Variants in DNAI1 observed in about 807,000 individuals in gnomAD.
DNAI1 encodes dynein, axonemal, intermediate polypeptide 1.
Under a neutral mutation model 92.0 loss-of-function variants are expected in DNAI1, and 67 were observed. The observed-to-expected ratio is 0.73, with a 90% confidence interval of 0.60 to 0.89. The LOEUF is 0.89. Ranked by LOEUF, DNAI1 falls within the 40% of genes least tolerant of loss-of-function variation. The probability of loss-of-function intolerance (pLI) is 0.00; values close to 1 mark genes in which losing one functional copy is unlikely to be tolerated. For missense variants in DNAI1, 839 were observed against 866.6 expected (o/e 0.97, Z 0.40); for synonymous variants, 323 against 319.6 (o/e 1.01, Z -0.11).
chr9:34,501,164 C>A lies in DNAI1; in HGVS notation c.1046C>A (p.Ala349Glu), dbSNP rs745862355. 8.7e-6 allele frequency: 14 copies of A among 1,613,500 alleles called. No homozygotes were observed. The South Asian group carries it at 1.5e-4, about 18-fold the overall frequency. ...AATCCAAAGTACAGGGATCTGTTTGCAGTGGGATATGGCTCTTGTAAGTGA... is the reference window on the plus strand; with the variant it reads ...AATCCAAAGTACAGGGATCTGTTTGAAGTGGGATATGGCTCTTGTAAGTGA... The part of the protein sequence containing the change: ...CWNPKYRDLF[A>E]VGYGSYDFMK... Residue 349 changes from alanine (A) to glutamate (E), a missense_variant, in exon 12 of 20, where the codon GCA becomes GAA. Ala to Glu is a moderately radical substitution (Grantham distance 107). Coordinates refer to ENST00000242317, the MANE Select transcript of DNAI1 (RefSeq NM_012144.4).
chr9:34,501,352 A>C (rs1824827829), intron 12 of DNAI1, among the ~76,000 whole-genome samples, 171 bp downstream of exon 12: 1 of 152,268 alleles, frequency 6.6e-6, no homozygotes, highest in African/African-American at 2.4e-5. Flanking sequence ...TGCTGGGTGA[A>C]GGAATATTCT....
intron 9 of DNAI1, among the ~76,000 whole-genome samples, chr9:34,494,553 C>G (rs1464596881): frequency 1.3e-5 from 2 of 152,184 alleles, no homozygotes; most frequent in East Asian, 3.8e-4. Context: ...GTTATAAGCT[C>G]TGTACTGGGA....
In DNAI1 at chr9:34,485,480, C is replaced by T. The variant is rs994065901; in HGVS notation, c.224C>T (p.Pro75Leu). The change falls in exon 4 of 20, where the codon CCA becomes CTA. Residue 75 changes from proline (P) to leucine (L), a missense_variant. Pro to Leu is a moderately conservative substitution (Grantham distance 98). Coordinates refer to ENST00000242317, the MANE Select transcript of DNAI1 (RefSeq NM_012144.4). Reference sequence around the variant, plus strand: ...ACTCGGATTTTGACAGCCAACAACCCACACGCACCCCAGAACATTGTCAGG... The same window carrying T: ...ACTCGGATTTTGACAGCCAACAACCTACACGCACCCCAGAACATTGTCAGG... Reference protein sequence around the residue: ...EFTRILTANNPHAPQNIVRYS... With the variant: ...EFTRILTANNLHAPQNIVRYS... 2 of 1,614,004 alleles carry T rather than the reference C, an allele frequency of 1.2e-6. No homozygotes were observed. Among genetic ancestry groups the T allele is most frequent in the African/African-American group, 2.7e-5 (2 of 74,890 alleles).
At chr9:34,484,958 C>A in intron 2 of DNAI1, 184 bp from the exon 3 acceptor site, 1 of 607,072 alleles carries the variant, frequency 1.6e-6, no homozygotes, top group Non-Finnish European at 3.0e-6. Flanking sequence ...ATCTTCCAGG[C>A]AATGAGAACT....
At chr9:34,468,379 C>T (rs553823478) in intron 1 of DNAI1, among the ~76,000 whole-genome samples, 49 of 149,604 alleles carry the variant, frequency 3.3e-4, no homozygotes, top group African/African-American at 1.0e-3. Flanking sequence ...TTAGTAGAGA[C>T]GGGGTTTCAC....
chr9:34,506,583 G>T lies in DNAI1; in HGVS notation c.1064-44G>T, dbSNP rs202169255. ...GGGTGAGGGGGCTTCTCCAGGCAGGGCAGTTGGATCCTCCAACCTCAGCCG... is the reference window on the plus strand; with the variant it reads ...GGGTGAGGGGGCTTCTCCAGGCAGGTCAGTTGGATCCTCCAACCTCAGCCG... On this transcript the variant is annotated intron_variant, in intron 12 of 19. Transcript: ENST00000242317. 1,656 of 1,613,378 alleles carry T rather than the reference G, an allele frequency of 1.0e-3. 1 individual carries two copies. Among genetic ancestry groups the T allele is most frequent in the Non-Finnish European group, 1.3e-3 (1,563 of 1,179,850 alleles).
chr9:34,514,128 T>C (rs1317863393), intron 16 of DNAI1, among the ~76,000 whole-genome samples: 3 of 152,124 alleles, frequency 2.0e-5, no homozygotes, highest in African/African-American at 7.2e-5. Context: ...TGGCCTGGAA[T>C]CCTCTGGGGT....
intron 13 of DNAI1, among the ~76,000 whole-genome samples, chr9:34,507,140 C>A (rs370772039): frequency 1.3e-5 from 2 of 152,104 alleles, no homozygotes; most frequent in East Asian, 3.9e-4. Context: ...TTAGATGTGG[C>A]GATCAGTAAC....
chr9:34,467,231 A>C (rs1824054928), intron 1 of DNAI1, among the ~76,000 whole-genome samples: 1 of 152,190 alleles, frequency 6.6e-6, no homozygotes, highest in South Asian at 2.1e-4. Flanking sequence ...TTACATTACA[A>C]AAGGTCCTGT....
rs548973593 is a variant in DNAI1, at chr9:34,471,339, C to T, written c.49-12109C>T. ...ACTTGAGAGGCTGAGGTGGGAGGGT[C>T]GCTTAAGCCCATGAAGTAAAGGCTG... is the stretch of plus-strand genomic sequence containing the variant. On this transcript the variant is annotated intron_variant, in intron 1 of 19. Transcript: ENST00000242317. Among the ~76,000 whole-genome samples the T allele has an allele frequency of 1.7e-4, 26 of 151,220 alleles. No homozygotes were observed. The South Asian group carries it at 5.2e-3, about 30-fold the overall frequency.
At chr9:34,477,427 T>C (rs1358066845) in intron 1 of DNAI1, among the ~76,000 whole-genome samples, 2 of 152,080 alleles carry the variant, frequency 1.3e-5, no homozygotes, top group Non-Finnish European at 2.9e-5. Context: ...CTCCATATGG[T>C]GGTTGTGAAG....
chr9:34,479,231 T>C (rs1170002947), intron 1 of DNAI1, among the ~76,000 whole-genome samples: 1 of 152,184 alleles, frequency 6.6e-6, no homozygotes, highest in Admixed American at 6.5e-5. Context: ...TGGGGCCAGA[T>C]GATAGAATTT....
At chr9:34,517,242 G>A in intron 18 of DNAI1, 43 bp from the exon 19 acceptor site, 1 of 1,603,304 alleles carries the variant, frequency 6.2e-7, no homozygotes, top group Non-Finnish European at 8.5e-7. Flanking sequence ...GTGGAAGACA[G>A]GCCTCATTAC....
chr9:34,466,653 C>T (rs1476090396), intron 1 of DNAI1, among the ~76,000 whole-genome samples: 1 of 152,204 alleles, frequency 6.6e-6, no homozygotes, highest in African/African-American at 2.4e-5. Flanking sequence ...TGGGGAGTTA[C>T]AGATGGTTAT....
In DNAI1 at chr9:34,505,997, C is replaced by T. The variant is rs1824921108; in HGVS notation, c.1064-630C>T. On this transcript the variant is annotated intron_variant, in intron 12 of 19. Transcript: ENST00000242317. ...ATGGGGCTGGTGGGGAGAAGGGCCTCTGCTGAGTGGTCCATTGTTGATTGC... is the reference window on the plus strand; with the variant it reads ...ATGGGGCTGGTGGGGAGAAGGGCCTTTGCTGAGTGGTCCATTGTTGATTGC... 9.9e-5 allele frequency among the ~76,000 whole-genome samples: 15 copies of T among 152,252 alleles called. 1 individual carries two copies. The South Asian group carries it at 3.1e-3, about 32-fold the overall frequency.
At position 34,515,384 on chromosome 9, in the gene DNAI1, A is replaced by T. The variant is rs181092523; in HGVS notation, c.1818+645A>T. ...AACAGATAACTACTAAGGGCCAACGATGGTGCCCAGCTCTAGGCTGGACCC... is the reference window on the plus strand; with the variant it reads ...AACAGATAACTACTAAGGGCCAACGTTGGTGCCCAGCTCTAGGCTGGACCC... On this transcript the variant is annotated intron_variant, in intron 18 of 19. Transcript: ENST00000242317. Among the ~76,000 whole-genome samples, 4 of 152,374 alleles carry T rather than the reference A, an allele frequency of 2.6e-5. No individual in the cohort carries two copies. In the East Asian group the frequency reaches 7.7e-4, roughly 29 times the overall value.
At chr9:34,475,283 C>G (rs1002191471) in intron 1 of DNAI1, among the ~76,000 whole-genome samples, 1 of 152,150 alleles carries the variant, frequency 6.6e-6, no homozygotes, top group African/African-American at 2.4e-5. Flanking sequence ...AAAATAAGGA[C>G]CAAGACAACT....
At chr9:34,469,033 G>T (rs1218821410) in intron 1 of DNAI1, among the ~76,000 whole-genome samples, 1 of 151,990 alleles carries the variant, frequency 6.6e-6, no homozygotes, top group Non-Finnish European at 1.5e-5. Flanking sequence ...TTCTGAACTT[G>T]GTGGAAAACA....
intron 1 of DNAI1, among the ~76,000 whole-genome samples, chr9:34,468,053 A>T (rs746727049): frequency 1.3e-5 from 2 of 152,212 alleles, no homozygotes; most frequent in African/African-American, 2.4e-5. Context: ...ACGGATGGAG[A>T]ATCTAAGCAG....
Sources: gnomAD v4.1 joint callset for allele counts (sites outside exome capture counted in the v4.1 genomes callset) on GRCh38, gnomAD v4.1.1 for gene constraint, MANE v1.5 for transcripts, NCBI Gene and HGNC (gene_info 2026-07-23, HGNC 2026-07-21) for gene names.